Variants in PCDH9 observed in about 807,000 individuals in gnomAD.
The protein encoded by PCDH9 is protocadherin-9.
In PCDH9, 24 loss-of-function variants were observed where a neutral mutation model predicts 70.6. The observed-to-expected ratio is 0.34, with a 90% CI of 0.25 to 0.48. The LOEUF (loss-of-function observed/expected upper bound fraction) is 0.48, where lower values mean the gene tolerates loss of function less well. Ranked by LOEUF, PCDH9 falls within the 20% of genes least tolerant of loss-of-function variation. PCDH9 has a pLI of 0.99. For missense variants in PCDH9, 1,281 were observed against 1,503.6 expected (o/e 0.85, Z 2.45); for synonymous variants, 562 against 558.5 (o/e 1.01, Z -0.09).
intron 4 of PCDH9, among the ~76,000 whole-genome samples, chr13:66,401,186 C>T (rs1421237827): frequency 6.6e-6 from 1 of 151,944 alleles, no homozygotes; most frequent in African/African-American, 2.4e-5. Context: ...GCTGTGTGTC[C>T]CCACCCAAAT....
intron 2 of PCDH9, among the ~76,000 whole-genome samples, chr13:67,153,479 T>C (rs1566459161): frequency 6.6e-6 from 1 of 152,202 alleles, no homozygotes; most frequent in Admixed American, 6.5e-5. Context: ...CACAACATTT[T>C]AAAAACAAGT....
chr13:67,200,201 T>C lies in PCDH9; in HGVS notation c.3036+25204A>G, dbSNP rs112019440. Among the ~76,000 whole-genome samples, 255 of 152,240 alleles carry C rather than the reference T, an allele frequency of 1.7e-3. 3 individuals carry two copies. Among genetic ancestry groups the C allele is most frequent in the Non-Finnish European group, 1.4e-3 (92 of 67,990 alleles). On this transcript the variant is annotated intron_variant, in intron 2 of 4. Coordinates refer to ENST00000377865, the MANE Select transcript of PCDH9 (RefSeq NM_203487.3). ...TTTACTTGTTTGTTTTTAATTAGTATCTAAATAAAATAATCCACAAACTGG... is the reference window on the plus strand; with the variant it reads ...TTTACTTGTTTGTTTTTAATTAGTACCTAAATAAAATAATCCACAAACTGG...
chr13:66,383,947 TTC>T (rs1247209729), intron 4 of PCDH9, among the ~76,000 whole-genome samples: 7 of 152,154 alleles, frequency 4.6e-5, no homozygotes, highest in Non-Finnish European at 8.8e-5. Flanking sequence ...ATATGTTTGT[TTC>T]TGAGGACTTA....
At chr13:66,344,160 G>C (rs1331843048) in intron 4 of PCDH9, among the ~76,000 whole-genome samples, 2 of 152,112 alleles carry the variant, frequency 1.3e-5, no homozygotes, top group African/African-American at 2.4e-5. Flanking sequence ...GTTTGTTTTT[G>C]AGGTGGAGTT....
At chr13:66,453,115 A>G (rs1467289258) in intron 4 of PCDH9, among the ~76,000 whole-genome samples, 1 of 152,190 alleles carries the variant, frequency 6.6e-6, no homozygotes, top group Non-Finnish European at 1.5e-5. Flanking sequence ...GCAAGTTGCT[A>G]GGCAGAAATT....
chr13:66,345,400 G>A (rs1244677627), intron 4 of PCDH9, among the ~76,000 whole-genome samples: 2 of 152,014 alleles, frequency 1.3e-5, no homozygotes, highest in African/African-American at 4.8e-5. Context: ...TGCACACTGT[G>A]TTTTATCAGG....
intron 2 of PCDH9, among the ~76,000 whole-genome samples, chr13:67,068,907 C>CA (rs2138148199): frequency 6.6e-6 from 1 of 152,186 alleles, no homozygotes; most frequent in Admixed American, 6.6e-5. Context: ...TCTTGTCATC[C>CA]AAGTTATTAA....
intron 2 of PCDH9, among the ~76,000 whole-genome samples, chr13:66,944,036 A>C (rs972639751): frequency 2.0e-5 from 3 of 146,806 alleles, no homozygotes; most frequent in African/African-American, 7.5e-5. Context: ...CTATTGTGAG[A>C]ATCAAATGAA....
intron 4 of PCDH9, among the ~76,000 whole-genome samples, chr13:66,328,764 G>A (rs1955890017): frequency 6.6e-6 from 1 of 152,036 alleles, no homozygotes; most frequent in Non-Finnish European, 1.5e-5. Flanking sequence ...GATTTCTCCA[G>A]TCAAGAAGTG....
At chr13:66,960,568 C>T (rs1369340707) in intron 2 of PCDH9, among the ~76,000 whole-genome samples, 2 of 152,154 alleles carry the variant, frequency 1.3e-5, no homozygotes, top group Non-Finnish European at 2.9e-5. Context: ...ATGTTATTAT[C>T]TACTTCTTTG....
intron 2 of PCDH9, among the ~76,000 whole-genome samples, chr13:67,028,922 A>G (rs1013867864): frequency 2.6e-5 from 4 of 152,154 alleles, no homozygotes; most frequent in Non-Finnish European, 5.9e-5. Context: ...GAATTGCACC[A>G]AAAAAGAGTT....
intron 4 of PCDH9, among the ~76,000 whole-genome samples, chr13:66,495,148 TA>T (rs1472974663): frequency 6.6e-6 from 1 of 152,156 alleles, no homozygotes; most frequent in Non-Finnish European, 1.5e-5. Flanking sequence ...TGGTTATGAC[TA>T]AAAATTTTCA....
At chr13:66,880,188 T>C (rs2081897996) in intron 3 of PCDH9, 1 of 152,174 alleles carries the variant, frequency 6.6e-6, no homozygotes, top group Admixed American at 6.5e-5. Flanking sequence ...GGAATAATGA[T>C]AAAACACTGC....
chr13:66,793,645 A>G (rs1423987746), intron 3 of PCDH9, among the ~76,000 whole-genome samples: 1 of 152,136 alleles, frequency 6.6e-6, no homozygotes, highest in Non-Finnish European at 1.5e-5. Flanking sequence ...CTCTCTTTCT[A>G]GAAAAAAACA....
chr13:66,552,096 G>C (rs1413515933), intron 4 of PCDH9, among the ~76,000 whole-genome samples: 1 of 151,964 alleles, frequency 6.6e-6, no homozygotes, highest in Non-Finnish European at 1.5e-5. Context: ...GCCTTGTTTT[G>C]TCCTACCACC....
At chr13:66,533,281 A>G (rs1593633773) in intron 4 of PCDH9, among the ~76,000 whole-genome samples, 1 of 152,248 alleles carries the variant, frequency 6.6e-6, no homozygotes, top group East Asian at 1.9e-4. Flanking sequence ...CATTGTACTA[A>G]TGCATTAAAA....
At chr13:66,684,400 C>A (rs1026632258) in intron 3 of PCDH9, among the ~76,000 whole-genome samples, 6 of 152,178 alleles carry the variant, frequency 3.9e-5, no homozygotes, top group African/African-American at 1.4e-4. Context: ...GCTGTGTCCC[C>A]ACCCAAATCT....
chr13:66,549,844 C>T (rs1368954935), intron 4 of PCDH9, among the ~76,000 whole-genome samples: 1 of 152,060 alleles, frequency 6.6e-6, no homozygotes, highest in Non-Finnish European at 1.5e-5. Context: ...AATGGCGAGA[C>T]CCTATCTCTA....
At chr13:66,543,352 C>T (rs1483162250) in intron 4 of PCDH9, among the ~76,000 whole-genome samples, 4 of 151,954 alleles carry the variant, frequency 2.6e-5, no homozygotes, top group East Asian at 1.9e-4. Flanking sequence ...AGGTGGATCA[C>T]GAGGTCAGGA....
Sources: gnomAD v4.1 joint callset for allele counts (sites outside exome capture counted in the v4.1 genomes callset) on GRCh38, gnomAD v4.1.1 for gene constraint, MANE v1.5 for transcripts, NCBI Gene and HGNC (gene_info 2026-07-23, HGNC 2026-07-21) for gene names.